The following PRKG1 variants were observed in gnomAD, a reference collection of about 807,000 sequenced individuals.
PRKG1 encodes the protein cGMP-dependent protein kinase 1.
In PRKG1, 35 loss-of-function variants were observed where a neutral mutation model predicts 88.1. That is an observed-to-expected ratio of 0.40 (90% CI 0.30 to 0.53). PRKG1 has a LOEUF of 0.53. PRKG1 is among the 20% of genes least tolerant of loss of function. The pLI is 0.59. For synonymous variants in PRKG1, 303 were observed against 292.5 expected, an observed-to-expected ratio of 1.04 and a Z score of -0.37; for missense variants, 540 against 839.8, an observed-to-expected ratio of 0.64 and a Z score of 4.41.
At chr10:51,984,123 G>C (rs755930091) in intron 5 of PRKG1, among the ~76,000 whole-genome samples, 1 of 152,132 alleles carries the variant, frequency 6.6e-6, no homozygotes, top group Non-Finnish European at 1.5e-5. Flanking sequence ...GCACAGAAGA[G>C]AAATGCATTG....
At chr10:51,948,093 T>C (rs1306836167) in intron 5 of PRKG1, among the ~76,000 whole-genome samples, 1 of 152,178 alleles carries the variant, frequency 6.6e-6, no homozygotes, top group Non-Finnish European at 1.5e-5. Flanking sequence ...GATGAAAGAA[T>C]AGAGATTTAT....
At chr10:52,175,556 T>C (rs568602383) in intron 9 of PRKG1, among the ~76,000 whole-genome samples, 1 of 152,226 alleles carries the variant, frequency 6.6e-6, no homozygotes, top group South Asian at 2.1e-4. Flanking sequence ...TTTAGTTTTT[T>C]TCGTGGAACT....
intron 2 of PRKG1, among the ~76,000 whole-genome samples, chr10:51,426,926 C>T (rs377257182): frequency 6.6e-6 from 1 of 152,038 alleles, no homozygotes; most frequent in Non-Finnish European, 1.5e-5. Flanking sequence ...TCTCTTTTAC[C>T]TTTGTTATTC....
intron 3 of PRKG1, among the ~76,000 whole-genome samples, chr10:51,566,124 A>C (rs1304774686): frequency 6.6e-6 from 1 of 152,120 alleles, no homozygotes; most frequent in African/African-American, 2.4e-5. Context: ...CCAAATGTAG[A>C]AAATATAATG....
chr10:51,819,197 A>G (rs1227092329), intron 4 of PRKG1, among the ~76,000 whole-genome samples: 2 of 151,942 alleles, frequency 1.3e-5, no homozygotes, highest in Non-Finnish European at 2.9e-5. Flanking sequence ...GAAGGTATGT[A>G]TAGAGATCAC....
chr10:51,137,030 G>T (rs1051770647), intron 1 of PRKG1, among the ~76,000 whole-genome samples: 1 of 151,846 alleles, frequency 6.6e-6, no homozygotes, highest in African/African-American at 2.4e-5. Context: ...GACTACAGGC[G>T]CCCGCCACCA....
chr10:52,161,824 C>A, intron 8 of PRKG1, 65 bp from the exon 9 acceptor site: 2 of 1,352,498 alleles, frequency 1.5e-6, no homozygotes, highest in Non-Finnish European at 2.1e-6. Flanking sequence ...CACTATATCA[C>A]TGACTAGGTT....
intron 2 of PRKG1, among the ~76,000 whole-genome samples, chr10:51,278,102 G>A (rs913671276): frequency 1.3e-5 from 2 of 152,120 alleles, no homozygotes; most frequent in African/African-American, 4.8e-5. Context: ...GTCATAAATA[G>A]CTCTTATCAT....
chr10:51,304,100 A>G (rs563114401), intron 2 of PRKG1, among the ~76,000 whole-genome samples: 2 of 152,196 alleles, frequency 1.3e-5, no homozygotes, highest in East Asian at 3.9e-4. Flanking sequence ...GATTACAGAC[A>G]TGAGCCACCG....
intron 5 of PRKG1, among the ~76,000 whole-genome samples, chr10:52,042,866 A>T (rs1339656715): frequency 1.3e-5 from 2 of 152,212 alleles, no homozygotes; most frequent in African/African-American, 4.8e-5. Context: ...AAACTCAAAC[A>T]ATCCAACAGC....
chr10:51,286,457 C>G (rs943056532), intron 2 of PRKG1, among the ~76,000 whole-genome samples: 1 of 152,094 alleles, frequency 6.6e-6, no homozygotes. Flanking sequence ...TCTTGCACCA[C>G]TTTTTGTTTT....
At chr10:51,057,979 A>G (rs990300068) in intron 1 of PRKG1, among the ~76,000 whole-genome samples, 1 of 152,150 alleles carries the variant, frequency 6.6e-6, no homozygotes, top group Admixed American at 6.5e-5. Context: ...TACTCCCACT[A>G]ATAGTGGATG....
At chr10:51,624,928 A>G (rs952228613) in intron 3 of PRKG1, among the ~76,000 whole-genome samples, 5 of 152,206 alleles carry the variant, frequency 3.3e-5, no homozygotes, top group African/African-American at 9.6e-5. Context: ...TCCAGGGAAG[A>G]TTGGTTAATG....
intron 5 of PRKG1, among the ~76,000 whole-genome samples, chr10:51,961,142 T>C (rs1216788005): frequency 6.6e-6 from 1 of 152,188 alleles, no homozygotes; most frequent in Non-Finnish European, 1.5e-5. Context: ...GGATATTATT[T>C]CTACAGAACT....
chr10:51,115,072 T>C (rs1438051267), intron 1 of PRKG1, among the ~76,000 whole-genome samples: 1 of 151,794 alleles, frequency 6.6e-6, no homozygotes, highest in East Asian at 1.9e-4. Flanking sequence ...TCCCAGCATT[T>C]TGGGAGGCTG....
chr10:51,374,093 A>AAAAAATATATATATATAT, intron 2 of PRKG1, among the ~76,000 whole-genome samples: 23 of 100,180 alleles, frequency 2.3e-4, no homozygotes, highest in African/African-American at 7.4e-4. Context: ...AAAAAAAAAA[A>AAAAAATATATATATATAT]ATATATATAT....
At chr10:52,091,785 A>G (rs1001812762) in intron 7 of PRKG1, among the ~76,000 whole-genome samples, 3 of 152,212 alleles carry the variant, frequency 2.0e-5, no homozygotes, top group Admixed American at 2.0e-4. Context: ...TGTGAAATCA[A>G]AGCATGCATT....
intron 3 of PRKG1, among the ~76,000 whole-genome samples, chr10:51,526,750 G>A (rs1403233207): frequency 6.6e-6 from 1 of 152,086 alleles, no homozygotes; most frequent in Non-Finnish European, 1.5e-5. Flanking sequence ...ACCTTCAGAT[G>A]TTTTCTTTCT....
intron 1 of PRKG1, among the ~76,000 whole-genome samples, chr10:51,078,351 T>C (rs1167138868): frequency 6.7e-6 from 1 of 150,064 alleles, no homozygotes; most frequent in Non-Finnish European, 1.5e-5. Context: ...CCTGAGTGGC[T>C]GGGATTACAG....
Sources: gnomAD v4.1 joint callset for allele counts (sites outside exome capture counted in the v4.1 genomes callset) on GRCh38, gnomAD v4.1.1 for gene constraint, MANE v1.5 for transcripts, NCBI Gene and HGNC (gene_info 2026-07-23, HGNC 2026-07-21) for gene names.